Variants in MEAF6 observed in about 807,000 individuals in gnomAD.
MEAF6 encodes the protein chromatin modification-related protein MEAF6.
In MEAF6, 15 loss-of-function variants were observed where a neutral mutation model predicts 28.9. The observed-to-expected ratio is 0.52, with a 90% CI of 0.35 to 0.80. The LOEUF is 0.80. MEAF6 is among the 30% of genes least tolerant of loss of function. The pLI is 0.01. For synonymous variants in MEAF6, 97 were observed against 88.7 expected, an observed-to-expected ratio of 1.09 and a Z score of -0.53; for missense variants, 178 against 237.5, an observed-to-expected ratio of 0.75 and a Z score of 1.65.
At position 37,491,775 on chromosome 1, in the gene MEAF6, G is replaced by A. The variant is rs6700586; in HGVS notation, c.*2324C>T. ...ATCTTTTTAAGAGCAGTACTATTCT[G>A]TCTCCAGCAATGTCAAACTATGAGA... On this transcript the variant is annotated 3_prime_UTR_variant, in exon 7 of 7. Coordinates refer to ENST00000296214, the MANE Select transcript of MEAF6 (RefSeq NM_001270875.3). Among the ~76,000 whole-genome samples the A allele has an allele frequency of 0.54, 81,315 of 151,170 alleles. 23,021 individuals carry two copies. Among genetic ancestry groups the A allele is most frequent in the Non-Finnish European group, 0.61 (41,338 of 67,838 alleles).
chr1:37,499,110 C>A (rs995945491), intron 5 of MEAF6, among the ~76,000 whole-genome samples: 1 of 152,074 alleles, frequency 6.6e-6, no homozygotes, highest in East Asian at 1.9e-4. Context: ...ATGATCTCAC[C>A]ACTGCACTCC....
At chr1:37,503,956 C>T (rs1187326280) in intron 4 of MEAF6, among the ~76,000 whole-genome samples, 1 of 152,038 alleles carries the variant, frequency 6.6e-6, no homozygotes, top group East Asian at 1.9e-4. Context: ...GAGACTCCAT[C>T]TCAAAAAAAA....
At chr1:37,504,746 T>C (rs1642422420) in intron 4 of MEAF6, among the ~76,000 whole-genome samples, 1 of 122,220 alleles carries the variant, frequency 8.2e-6, no homozygotes, top group Non-Finnish European at 1.6e-5. Flanking sequence ...CACTCCAGCC[T>C]GGGCAACAAG....
chr1:37,514,441 G>GCGCTCCCGGCT (rs1553163973), intron 1 of MEAF6: 2 of 260,102 alleles, frequency 7.7e-6, no homozygotes, highest in Non-Finnish European at 1.4e-5. Context: ...TCCCCCTCCC[G>GCGCTCCCGGCT]CGCTCCCGGC....
chr1:37,500,241 G>A (rs1281402271), intron 5 of MEAF6, among the ~76,000 whole-genome samples: 1 of 151,980 alleles, frequency 6.6e-6, no homozygotes, highest in Non-Finnish European at 1.5e-5. Flanking sequence ...GGCTGCAGGG[G>A]CTGAGATCGT....
chr1:37,495,716 A>AAAAAAAAAAC (rs1557603988), intron 6 of MEAF6, among the ~76,000 whole-genome samples, 169 bp downstream of exon 6: 1 of 129,708 alleles, frequency 7.7e-6, no homozygotes, highest in East Asian at 2.1e-4. Flanking sequence ...AAAAAAAAAA[A>AAAAAAAAAAC]AAACAAAAAA....
At chr1:37,496,337 C>T (rs991991645) in intron 5 of MEAF6, among the ~76,000 whole-genome samples, 1 of 152,034 alleles carries the variant, frequency 6.6e-6, no homozygotes, top group East Asian at 1.9e-4. Context: ...TTTCTGAACA[C>T]GAAACACAAA....
At chr1:37,504,234 TA>T (rs1372770350) in intron 4 of MEAF6, among the ~76,000 whole-genome samples, 1 of 152,202 alleles carries the variant, frequency 6.6e-6, no homozygotes, top group Admixed American at 6.5e-5. Flanking sequence ...TCCATGATTG[TA>T]AGTTTCCTGA....
chr1:37,495,856 C>CTCTCT, intron 6 of MEAF6, 29 bp downstream of exon 6: 1 of 1,612,974 alleles, frequency 6.2e-7, no homozygotes, highest in Non-Finnish European at 8.5e-7. Flanking sequence ...AATTGCCAGC[C>CTCTCT]TCTCTGAAGT....
At position 37,513,434 on chromosome 1, in the gene MEAF6, C is replaced by T. The variant is rs1159899511; in HGVS notation, c.195G>A (p.Leu65=). ...GNIIRGWDRY[L]TNQKNSNSKN... is the part of the protein sequence containing the mutation. ...CTTTCGACACTCACTTTTGGTTGGTCAGATACCGATCCCAGCCACGAATAA... is the reference window on the plus strand; with the variant it reads ...CTTTCGACACTCACTTTTGGTTGGTTAGATACCGATCCCAGCCACGAATAA... The change falls in exon 2 of 7, where the codon CTG becomes CTA. Residue 65 remains leucine, a synonymous_variant. Transcript: ENST00000296214. 1 of 1,613,666 alleles carries T rather than the reference C, an allele frequency of 6.2e-7. No individual in the cohort carries two copies. Among genetic ancestry groups the T allele is most frequent in the Non-Finnish European group, 8.5e-7 (1 of 1,179,706 alleles).
At chr1:37,512,632 T>C (rs1377948153) in intron 2 of MEAF6, among the ~76,000 whole-genome samples, 1 of 150,228 alleles carries the variant, frequency 6.7e-6, no homozygotes, top group Non-Finnish European at 1.5e-5. Context: ...GCTCACCCCT[T>C]TAATTCCAAC....
intron 4 of MEAF6, among the ~76,000 whole-genome samples, chr1:37,504,932 G>A (rs1165386035): frequency 1.3e-5 from 2 of 151,900 alleles, no homozygotes; most frequent in Admixed American, 1.3e-4. Context: ...CGCCCAGGCT[G>A]GAGTACAGTG....
intron 4 of MEAF6, among the ~76,000 whole-genome samples, chr1:37,508,971 C>A (rs1047242041): frequency 6.6e-6 from 1 of 152,124 alleles, no homozygotes; most frequent in Non-Finnish European, 1.5e-5. Context: ...GTGACAGATG[C>A]CTGTGGTCCT....
In MEAF6 at chr1:37,493,940, G is replaced by T. The variant is rs1642027887; in HGVS notation, c.*159C>A. 1.3e-6 allele frequency: 2 copies of T among 1,576,372 alleles called. No homozygotes were observed. Among genetic ancestry groups the T allele is most frequent in the African/African-American group, 2.7e-5 (2 of 72,992 alleles). ...AATGTCTTACAGAAATGACTTGTTT[G>T]TCACCACATTTAGAACAAACTACTC... On this transcript the variant is annotated 3_prime_UTR_variant, in exon 7 of 7. Transcript: ENST00000296214.
chr1:37,514,766 C>G lies in MEAF6; in HGVS notation c.-20G>C, dbSNP rs750416516. 2.2e-6 allele frequency: 3 copies of G among 1,364,486 alleles called. No individual in the cohort carries two copies. The highest frequency in any genetic ancestry group is 2.9e-6 in the Non-Finnish European group (3 of 1,049,918). The allele number at this position is 1,364,486 out of a possible 1,614,324, so 84.5% of individuals were successfully genotyped here. Reference sequence around the variant, plus strand: ...CGCCATGTTGGGCTGAGGCGGGCGGCGGCGGCGCGAGGTTGGGGGCGGTCC... The same window carrying G: ...CGCCATGTTGGGCTGAGGCGGGCGGGGGCGGCGCGAGGTTGGGGGCGGTCC... On this transcript the variant is annotated 5_prime_UTR_variant, in exon 1 of 7. Transcript: ENST00000296214.
At chr1:37,494,862 T>C (rs1642063973) in intron 6 of MEAF6, among the ~76,000 whole-genome samples, 1 of 151,750 alleles carries the variant, frequency 6.6e-6, no homozygotes, top group African/African-American at 2.4e-5. Context: ...AAAAAGATTC[T>C]ATTCCAAATA....
intron 6 of MEAF6, 144 bp downstream of exon 6, chr1:37,495,741 G>T (rs1476838523): frequency 1.0e-3 from 368 of 350,826 alleles, no homozygotes; most frequent in East Asian, 3.7e-3. Flanking sequence ...CCTAAAAGTT[G>T]AAGTATATCC....
chr1:37,514,455 C>T (rs1026618625), intron 1 of MEAF6: 2 of 349,426 alleles, frequency 5.7e-6, no homozygotes, highest in Non-Finnish European at 1.0e-5. Context: ...TCCCGGCTCT[C>T]TCCCGGCTCC....
rs755664880 is a variant in MEAF6, at chr1:37,496,708, C to T, written c.534-790G>A. The T allele has an allele frequency of 4.1e-5, 65 of 1,601,180 alleles. No homozygotes were observed. The highest frequency in any genetic ancestry group is 5.5e-5 in the Non-Finnish European group (65 of 1,173,156). ...AATACTAATTCAAATCAAACTTACTCAAAGTCATAATCAAACATGCCAGAC... is the reference window on the plus strand; with the variant it reads ...AATACTAATTCAAATCAAACTTACTTAAAGTCATAATCAAACATGCCAGAC... On this transcript the variant is annotated intron_variant, in intron 5 of 6. Coordinates refer to ENST00000296214, the MANE Select transcript of MEAF6 (RefSeq NM_001270875.3).
Sources: gnomAD v4.1 joint callset for allele counts (sites outside exome capture counted in the v4.1 genomes callset) on GRCh38, gnomAD v4.1.1 for gene constraint, MANE v1.5 for transcripts, NCBI Gene and HGNC (gene_info 2026-07-23, HGNC 2026-07-21) for gene names.